KLKB1: variants seen among roughly 807,000 people sequenced by gnomAD.
KLKB1 encodes the protein plasma kallikrein.
A neutral mutation model predicts 73.6 loss-of-function variants in KLKB1; 58 were observed. The ratio of observed to expected loss-of-function variants is 0.79; its 90% CI spans 0.64 to 0.98. The LOEUF (loss-of-function observed/expected upper bound fraction) is 0.98, where lower values mean the gene tolerates loss of function less well. KLKB1 is among the 50% of genes least tolerant of loss of function. The probability of loss-of-function intolerance (pLI) is 0.00; values close to 1 mark genes in which losing one functional copy is unlikely to be tolerated. For missense variants in KLKB1, 737 were observed against 763.8 expected, an observed-to-expected ratio of 0.96 and a Z score of 0.41; for synonymous variants, 280 against 258.1, an observed-to-expected ratio of 1.08 and a Z score of -0.81.
chr4:186,247,473 G>A (rs2126661630), intron 6 of KLKB1, among the ~76,000 whole-genome samples: 1 of 152,238 alleles, frequency 6.6e-6, no homozygotes, highest in African/African-American at 2.4e-5. Context: ...ATTTCACAAG[G>A]TAACGTCATC....
upstream of KLKB1, among the ~76,000 whole-genome samples, chr4:186,224,320 C>T (rs1188687453): frequency 6.6e-6 from 1 of 151,914 alleles, no homozygotes; most frequent in East Asian, 1.9e-4. Flanking sequence ...CCCCCATCTT[C>T]CAGATGCCAG....
Position 186,251,766 on chromosome 4 carries a change from G to T in KLKB1, c.1049G>T (p.Arg350Ile), listed in dbSNP as rs1248180664. ...TCATCTAGGTGTAAGTGTTTCTTAAGATTATCTATGGATGGTTCTCCAACT... is the reference window on the plus strand; with the variant it reads ...TCATCTAGGTGTAAGTGTTTCTTAATATTATCTATGGATGGTTCTCCAACT... ...CKEEKCKCFLRLSMDGSPTRI... is the reference protein window; with the variant it reads ...CKEEKCKCFLILSMDGSPTRI... Residue 350 changes from arginine to isoleucine, a missense_variant, in exon 10 of 15, where the codon AGA becomes ATA. Transcript: ENST00000264690. 1 of 1,613,666 alleles carries T rather than the reference G, an allele frequency of 6.2e-7. No homozygotes were observed. Among genetic ancestry groups the T allele is most frequent in the African/African-American group, 1.3e-5 (1 of 74,898 alleles).
At chr4:186,248,222 T>A (rs1738481716) in intron 6 of KLKB1, among the ~76,000 whole-genome samples, 1 of 151,446 alleles carries the variant, frequency 6.6e-6, no homozygotes, top group Non-Finnish European at 1.5e-5. Flanking sequence ...CACTCCAGCC[T>A]GGGCGACAGA....
chr4:186,222,644 C>T (rs1276294378), upstream of KLKB1, among the ~76,000 whole-genome samples: 1 of 152,030 alleles, frequency 6.6e-6, no homozygotes, highest in Non-Finnish European at 1.5e-5. Flanking sequence ...TTTGTTAATA[C>T]TTTTGTTTTT....
intron 3 of KLKB1, among the ~76,000 whole-genome samples, chr4:186,233,730 C>T (rs1011121845): frequency 1.3e-5 from 2 of 152,122 alleles, no homozygotes; most frequent in Non-Finnish European, 1.5e-5. Context: ...GGTTGATTTC[C>T]TGTACTTAAA....
At chr4:186,251,398 G>A (rs1172356469) in intron 8 of KLKB1, 70 bp downstream of exon 8, 1 of 1,516,264 alleles carries the variant, frequency 6.6e-7, no homozygotes, top group African/African-American at 1.4e-5. Flanking sequence ...CAACAGTGAT[G>A]AAACAATCCT....
At chr4:186,251,672 A>G in intron 9 of KLKB1, 23 bp downstream of exon 9, 1 of 1,612,404 alleles carries the variant, frequency 6.2e-7, no homozygotes, top group Non-Finnish European at 8.5e-7. Flanking sequence ...TTATTTTTCA[A>G]AGACAGTTGA....
At chr4:186,249,541 G>C (rs1253825830) in intron 6 of KLKB1, among the ~76,000 whole-genome samples, 2 of 152,126 alleles carry the variant, frequency 1.3e-5, no homozygotes, top group African/African-American at 4.8e-5. Context: ...TTTGAACTCA[G>C]ACAGTCTGAG....
At chr4:186,233,361 C>T (rs572610231) in intron 3 of KLKB1, among the ~76,000 whole-genome samples, 1 of 152,278 alleles carries the variant, frequency 6.6e-6, no homozygotes, top group Non-Finnish European at 1.5e-5. Flanking sequence ...CTCATCTTCA[C>T]TCTATGTGAG....
intron 6 of KLKB1, among the ~76,000 whole-genome samples, chr4:186,241,966 G>A (rs569320627): frequency 7.9e-4 from 120 of 152,302 alleles, no homozygotes; most frequent in African/African-American, 2.8e-3. Context: ...TGTCATGTGC[G>A]TCCGTGTGAA....
Position 186,247,390 on chromosome 4 carries a change from G to T in KLKB1, c.599-2853G>T, listed in dbSNP as rs180750493. 6.1e-3 allele frequency among the ~76,000 whole-genome samples: 924 copies of T among 152,176 alleles called. 1 individual carries two copies. The highest frequency in any genetic ancestry group is 0.011 in the South Asian group (53 of 4,816). ...GTAGTGGAAAATTACAGTCAAAGGGGGTTGTTCTCTGGCGGGCAGGGGTGG... is the reference window on the plus strand; with the variant it reads ...GTAGTGGAAAATTACAGTCAAAGGGTGTTGTTCTCTGGCGGGCAGGGGTGG... On this transcript the variant is annotated intron_variant, in intron 6 of 14. Transcript: ENST00000264690.
At chr4:186,231,682 A>G (rs1407171316) in intron 2 of KLKB1, among the ~76,000 whole-genome samples, 1 of 152,208 alleles carries the variant, frequency 6.6e-6, no homozygotes, top group Non-Finnish European at 1.5e-5. Flanking sequence ...TCTTTTAAAA[A>G]ACATAGTCCA....
At chr4:186,240,201 TGTTATA>T (rs1460114636) in intron 6 of KLKB1, among the ~76,000 whole-genome samples, 3 of 151,854 alleles carry the variant, frequency 2.0e-5, no homozygotes, top group Admixed American at 6.6e-5. Flanking sequence ...ACAGTGATAT[TGTTATA>T]GTTATAGGAC....
At chr4:186,231,080 AGG>A (rs759115788) in intron 2 of KLKB1, among the ~76,000 whole-genome samples, 2 of 152,182 alleles carry the variant, frequency 1.3e-5, no homozygotes, top group Non-Finnish European at 2.9e-5. Flanking sequence ...CCAAATCCCC[AGG>A]GGGTAGGATA....
intron 3 of KLKB1, 23 bp from the exon 4 acceptor site, chr4:186,233,929 A>G (rs770212838): frequency 6.6e-7 from 1 of 1,514,482 alleles, no homozygotes; most frequent in South Asian, 1.1e-5. Context: ...TCTACTTCCT[A>G]AGTAAAGCTA....
intron 2 of KLKB1, among the ~76,000 whole-genome samples, chr4:186,218,185 G>A (rs1198418399): frequency 6.6e-6 from 1 of 152,196 alleles, no homozygotes; most frequent in African/African-American, 2.4e-5. Context: ...GAATTGGGTG[G>A]GAATAGGACC....
intron 2 of KLKB1, among the ~76,000 whole-genome samples, chr4:186,231,022 G>A (rs1737377303): frequency 1.3e-5 from 2 of 152,256 alleles, no homozygotes; most frequent in South Asian, 4.1e-4. Flanking sequence ...CCTCAGAGAG[G>A]GAGAGAGGCA....
intron 2 of KLKB1, chr4:186,212,181 T>G (rs1327775893): frequency 6.6e-6 from 1 of 152,174 alleles, no homozygotes; most frequent in Admixed American, 6.5e-5. Flanking sequence ...CTGATATACT[T>G]TCTACTACAA....
chr4:186,220,282 A>G (rs546294241), intron 2 of KLKB1, among the ~76,000 whole-genome samples: 7 of 152,204 alleles, frequency 4.6e-5, no homozygotes, highest in African/African-American at 1.4e-4. Flanking sequence ...CCTTCTGGAG[A>G]ATTTTGCCCC....
Sources: allele counts gnomAD v4.1 joint callset (sites outside exome capture counted in the v4.1 genomes callset), GRCh38; gene constraint gnomAD v4.1.1; transcripts MANE v1.5; gene names NCBI Gene and HGNC (gene_info 2026-07-23, HGNC 2026-07-21).